KDM4A: variants seen among roughly 807,000 people sequenced by gnomAD.
KDM4A encodes lysine-specific demethylase 4A.
KDM4A carries 23 observed loss-of-function variants against 127.1 expected under a neutral mutation model. The ratio of observed to expected loss-of-function variants is 0.18; its 90% CI spans 0.13 to 0.26. KDM4A has a LOEUF of 0.26. KDM4A is among the 10% of genes least tolerant of loss of function. The probability of loss-of-function intolerance (pLI) is 1.00; values close to 1 mark genes in which losing one functional copy is unlikely to be tolerated. For synonymous variants in KDM4A, 443 were observed against 466.5 expected (o/e 0.95, Z 0.65); for missense variants, 890 against 1,329.1 (o/e 0.67, Z 5.14).
rs1394058581 is a variant in KDM4A, at chr1:43,667,950, A to G, written c.1094A>G (p.Asn365Ser). 3.7e-6 allele frequency: 6 copies of G among 1,614,052 alleles called. No homozygotes were observed. The highest frequency in any genetic ancestry group is 3.3e-5 in the Admixed American group (2 of 59,998). The change falls in exon 9 of 22, where the codon AAC becomes AGC. Residue 365 changes from asparagine (N) to serine (S), a missense_variant. Physicochemically the swap from Asn to Ser is conservative, Grantham distance 46 (BLOSUM62 1). Coordinates refer to ENST00000372396, the MANE Select transcript of KDM4A (RefSeq NM_014663.3). ...AGTGAACTGCCTCCAAGAGCTGGCAACGAGGAGGAGTGCCCAGAGGAGGAC... is the reference window on the plus strand; with the variant it reads ...AGTGAACTGCCTCCAAGAGCTGGCAGCGAGGAGGAGTGCCCAGAGGAGGAC... ...KESELPPRAG[N>S]EEECPEEDME...
intron 11 of KDM4A, among the ~76,000 whole-genome samples, chr1:43,674,082 A>G (rs1027345765): frequency 6.6e-6 from 1 of 152,152 alleles, no homozygotes; most frequent in African/African-American, 2.4e-5. Context: ...AGCTGGGACT[A>G]CAGGTGCACA....
At chr1:43,661,623 A>AT in intron 4 of KDM4A, among the ~76,000 whole-genome samples, 1 of 147,110 alleles carries the variant, frequency 6.8e-6, no homozygotes, top group Non-Finnish European at 1.5e-5. Context: ...AAAAAAAAAA[A>AT]AAAAAAAAAA....
intron 11 of KDM4A, among the ~76,000 whole-genome samples, chr1:43,680,211 C>T (rs1231412384): frequency 3.3e-5 from 5 of 152,164 alleles, no homozygotes; most frequent in South Asian, 2.1e-4. Context: ...GGCAGCATGA[C>T]GGTAGTGGAA....
chr1:43,656,152 G>A (rs1660231557), intron 3 of KDM4A, among the ~76,000 whole-genome samples: 1 of 152,012 alleles, frequency 6.6e-6, no homozygotes, highest in African/African-American at 2.4e-5. Context: ...TAATTGTGCT[G>A]GAATTTCTCA....
chr1:43,669,195 T>G lies in KDM4A; in HGVS notation c.1259T>G (p.Leu420Arg). Residue 420 changes from leucine to arginine, a missense_variant, in exon 10 of 22, where the codon CTG (leucine) becomes CGG (arginine). By Grantham distance (102) the Leu-to-Arg change is moderately radical. Coordinates refer to ENST00000372396, the MANE Select transcript of KDM4A (RefSeq NM_014663.3). ...SQSELFPKED[L>R]SSEQYEMTEC... ...AGTGAGCTCTTCCCCAAGGAGGATC[T>G]GAGTTCTGAGCAGTATGAGATGACG... The G allele has an allele frequency of 2.5e-6, 4 of 1,614,216 alleles. No homozygotes were observed. The highest frequency in any genetic ancestry group is 2.2e-5 in the East Asian group (1 of 44,878).
Position 43,693,994 on chromosome 1 carries a change from G to A in KDM4A, c.2376G>A (p.Arg792=), listed in dbSNP as rs761238513. 4.4e-5 allele frequency: 71 copies of A among 1,614,090 alleles called. No individual in the cohort carries two copies. The highest frequency in any genetic ancestry group is 6.0e-5 in the Non-Finnish European group (71 of 1,179,962). The part of the protein sequence containing the change: ...GGALQRANDD[R]WVHVSCAVAI... ...TGAGGGAGCCTTTGCCTTTTGGCAG[G>A]TGGGTCCACGTTTCATGTGCTGTGG... The change falls in exon 17 of 22, where the codon AGG becomes AGA. Residue 792 remains arginine (R), a splice_region_variant and synonymous_variant. Transcript: ENST00000372396. The surrounding 1 kb of genome is among the most constrained non-coding windows in gnomAD (Gnocchi z 4.2).
At position 43,689,012 on chromosome 1, in the gene KDM4A, G is replaced by C; in HGVS notation, c.1954G>C (p.Glu652Gln). 7 of 1,614,234 alleles carry C rather than the reference G, an allele frequency of 4.3e-6. No individual in the cohort carries two copies. Among genetic ancestry groups the C allele is most frequent in the Non-Finnish European group, 5.1e-6 (6 of 1,180,042 alleles). The part of the protein sequence containing the change: ...QLWQNRPPNF[E>Q]AEKEFNETMA... ...GTGGCAGAACCGACCTCCAAACTTT[G>C]AGGCTGAGAAGGAATTCAATGAGAC... Residue 652 changes from glutamate to glutamine, a missense_variant, in exon 13 of 22, where the codon GAG becomes CAG. Physicochemically the swap from Glu to Gln is conservative, Grantham distance 29 (BLOSUM62 2). Transcript: ENST00000372396.
chr1:43,699,071 G>T (rs1224745462), intron 19 of KDM4A, among the ~76,000 whole-genome samples: 1 of 151,162 alleles, frequency 6.6e-6, no homozygotes, highest in Admixed American at 6.6e-5. Flanking sequence ...TTACAGGCGT[G>T]AGCCACTGTG....
At chr1:43,687,725 T>C (rs926876585) in intron 12 of KDM4A, among the ~76,000 whole-genome samples, 1 of 132,730 alleles carries the variant, frequency 7.5e-6, no homozygotes, top group Non-Finnish European at 1.8e-5. Flanking sequence ...TTGTGGACTA[T>C]GCCCCTGTTT....
At chr1:43,666,859 C>T in intron 7 of KDM4A, 95 bp from the exon 8 acceptor site, 1 of 1,294,062 alleles carries the variant, frequency 7.7e-7, no homozygotes, top group Non-Finnish European at 1.1e-6. Context: ...ATGACTTACC[C>T]TTTGTTACTC....
intron 10 of KDM4A, among the ~76,000 whole-genome samples, chr1:43,670,025 T>G (rs889782642): frequency 2.0e-5 from 3 of 152,058 alleles, no homozygotes; most frequent in South Asian, 2.1e-4. Context: ...AATTGAATAT[T>G]AGGGTGGAAG....
intron 5 of KDM4A, among the ~76,000 whole-genome samples, chr1:43,665,205 GAAAGTGGGTTCATCA>G: frequency 6.6e-6 from 1 of 152,260 alleles, no homozygotes; most frequent in East Asian, 1.9e-4. Context: ...GAGATAAAGG[GAAAGTGGGTTCATCA>G]GCAGATACGG....
At chr1:43,669,760 T>A (rs1288674130) in intron 10 of KDM4A, among the ~76,000 whole-genome samples, 11 of 151,986 alleles carry the variant, frequency 7.2e-5, no homozygotes, top group Admixed American at 5.9e-4. Flanking sequence ...GCGATTCTCC[T>A]GCCTCAGCCT....
intron 18 of KDM4A, among the ~76,000 whole-genome samples, chr1:43,697,505 T>C (rs1019813411): frequency 1.3e-5 from 2 of 152,336 alleles, no homozygotes; most frequent in South Asian, 2.1e-4. Context: ...TCTCCTTCGA[T>C]ACTTTGATGT....
chr1:43,670,241 A>G (rs796422831), intron 10 of KDM4A, among the ~76,000 whole-genome samples: 2 of 152,288 alleles, frequency 1.3e-5, no homozygotes, highest in African/African-American at 4.8e-5. Context: ...TGGGTCAGGT[A>G]TGACCCAAAG....
chr1:43,683,947 C>T (rs1412205641), intron 12 of KDM4A, 143 bp downstream of exon 12: 11 of 903,136 alleles, frequency 1.2e-5, no homozygotes, highest in East Asian at 2.6e-5. Flanking sequence ...AAGAGAGGAC[C>T]GGATTTCCTT....
chr1:43,656,127 G>T (rs970669243), intron 3 of KDM4A, among the ~76,000 whole-genome samples: 2 of 152,018 alleles, frequency 1.3e-5, no homozygotes, highest in African/African-American at 4.8e-5. Context: ...CCTCTCTCTC[G>T]GGATGCTCTG....
intron 11 of KDM4A, among the ~76,000 whole-genome samples, chr1:43,681,476 T>C (rs1246262245): frequency 6.6e-6 from 1 of 152,176 alleles, no homozygotes; most frequent in Non-Finnish European, 1.5e-5. Flanking sequence ...CTCCCCTGGG[T>C]ATTTCCAAAT....
chr1:43,694,479 G>T lies in KDM4A; in HGVS notation c.2485-230G>T, dbSNP rs113615006. On this transcript the variant is annotated intron_variant, in intron 17 of 21. Transcript: ENST00000372396. The surrounding 1 kb of genome is among the most constrained non-coding windows in gnomAD (Gnocchi z 5.2). Reference sequence around the variant, plus strand: ...TGCAGTGAGCCGATATTGTGTCACTGCACTCCAGCCTGGGTGACAGAGCAA... The same window carrying T: ...TGCAGTGAGCCGATATTGTGTCACTTCACTCCAGCCTGGGTGACAGAGCAA... Among the ~76,000 whole-genome samples the T allele has an allele frequency of 6.7e-6, 1 of 149,256 alleles. No individual in the cohort carries two copies. Among genetic ancestry groups the T allele is most frequent in the Non-Finnish European group, 1.5e-5 (1 of 67,740 alleles).
Sources: gnomAD v4.1 joint callset for allele counts (sites outside exome capture counted in the v4.1 genomes callset) on GRCh38, gnomAD v4.1.1 for gene constraint, Gnocchi (gnomAD v3.1) non-coding constraint, MANE v1.5 for transcripts, NCBI Gene and HGNC (gene_info 2026-07-23, HGNC 2026-07-21) for gene names.